Variants in CMYA5 observed in about 807,000 individuals in gnomAD.
CMYA5 encodes cardiomyopathy-associated protein 5.
Under a neutral mutation model 318.9 loss-of-function variants are expected in CMYA5, and 246 were observed. That is an observed-to-expected ratio of 0.77 (90% confidence interval 0.70 to 0.86). The LOEUF (loss-of-function observed/expected upper bound fraction) is 0.86, where lower values mean the gene tolerates loss of function less well. Ranked by LOEUF, CMYA5 falls within the 40% of genes least tolerant of loss-of-function variation. The pLI, the probability that CMYA5 is intolerant of heterozygous loss-of-function variation, is 0.00. For synonymous variants in CMYA5, 1,641 were observed against 1,729.5 expected (o/e 0.95, Z 1.27); for missense variants, 4,589 against 4,678.2 (o/e 0.98, Z 0.56).
intron 3 of CMYA5, among the ~76,000 whole-genome samples, chr5:79,744,805 G>A (rs892744466): frequency 6.6e-6 from 1 of 152,138 alleles, no homozygotes; most frequent in Non-Finnish European, 1.5e-5. Flanking sequence ...AGAACATTTG[G>A]GGAGGTAGCC....
In CMYA5 at chr5:79,745,154, CAA is replaced by C. The variant is rs35310955; in HGVS notation, c.10735-55_10735-54del. The C allele has an allele frequency of 7.7e-3, 6,602 of 862,052 alleles. 33 individuals are homozygous for C. The highest frequency in any genetic ancestry group is 0.047 in the African/African-American group (2,510 of 53,592). 53.4% of individuals were successfully genotyped at this position (862,052 alleles called of 1,614,324 possible). On this transcript the variant is annotated intron_variant, in intron 3 of 12. Transcript: ENST00000446378. ...CAATTCTTTAAAAGGCTGGTGTTTC[CAA>C]AAAAAAAAAAAAGCAGCATTTCTTG... is the stretch of plus-strand genomic sequence containing the variant.
rs369976163 is a variant in CMYA5 at position 79,715,137 on chromosome 5, A to G, written c.150-13778A>G. Among the ~76,000 whole-genome samples the G allele has an allele frequency of 1.1e-4, 16 of 152,152 alleles. 1 individual carries two copies. The highest frequency in any genetic ancestry group is 7.7e-4 in the East Asian group (4 of 5,190). On this transcript the variant is annotated intron_variant, in intron 1 of 12. Coordinates refer to ENST00000446378, the MANE Select transcript of CMYA5 (RefSeq NM_153610.5). Reference sequence around the variant, plus strand: ...AGGTTTTGTTTGCTGCTGTATGCTCATTGCCTAGAACAGTGTGGTCCATGG... The same window carrying G: ...AGGTTTTGTTTGCTGCTGTATGCTCGTTGCCTAGAACAGTGTGGTCCATGG...
intron 12 of CMYA5, among the ~76,000 whole-genome samples, chr5:79,796,011 C>G (rs1829268663): frequency 6.6e-6 from 1 of 152,182 alleles, no homozygotes; most frequent in African/African-American, 2.4e-5. Flanking sequence ...GAAATGGAGA[C>G]AGAAGCAGGG....
intron 1 of CMYA5, among the ~76,000 whole-genome samples, chr5:79,690,468 C>G (rs1826946630): frequency 6.6e-6 from 1 of 152,028 alleles, no homozygotes; most frequent in Admixed American, 6.5e-5. Flanking sequence ...GCGGTCTCCC[C>G]GGGGGCCTAG....
intron 2 of CMYA5, among the ~76,000 whole-genome samples, chr5:79,740,001 AAAAT>A (rs1266532268): frequency 1.3e-5 from 2 of 152,154 alleles, no homozygotes; most frequent in East Asian, 1.9e-4. Context: ...AATAAAATAA[AAAAT>A]AAATAAAAAT....
chr5:79,732,068 A>T lies in CMYA5; in HGVS notation c.3303A>T (p.Thr1101=). Residue 1101 remains threonine, a synonymous_variant, in exon 2 of 13, where the codon ACA becomes ACT. Transcript: ENST00000446378. ...AGCCAGAGATTCCAACAACCTCAAC[A>T]TCTGTATCTGAATATCTCATTTTGG... ...EIKPEIPTTS[T]SVSEYLILAQ... is the part of the protein sequence containing the mutation. The T allele has an allele frequency of 6.2e-7, 1 of 1,613,986 alleles. No individual in the cohort carries two copies. Among genetic ancestry groups the T allele is most frequent in the Non-Finnish European group, 8.5e-7 (1 of 1,179,874 alleles).
At chr5:79,726,909 ATTT>A (rs34198193) in intron 1 of CMYA5, among the ~76,000 whole-genome samples, 5 of 96,032 alleles carry the variant, frequency 5.2e-5, no homozygotes, top group African/African-American at 2.6e-4. Context: ...TAGGCCAGTG[ATTT>A]TTTTTTTTTT....
chr5:79,766,613 A>G (rs1167226540), intron 9 of CMYA5, among the ~76,000 whole-genome samples: 2 of 152,118 alleles, frequency 1.3e-5, no homozygotes, highest in Non-Finnish European at 2.9e-5. Context: ...ATGTTTATTG[A>G]TTTGCATATG....
intron 11 of CMYA5, among the ~76,000 whole-genome samples, chr5:79,791,321 G>C (rs1056828479): frequency 6.6e-6 from 1 of 152,154 alleles, no homozygotes; most frequent in Non-Finnish European, 1.5e-5. Context: ...TAAAACATTG[G>C]CTATTTTAAG....
intron 1 of CMYA5, among the ~76,000 whole-genome samples, chr5:79,712,925 C>G (rs1827426591): frequency 1.3e-5 from 2 of 152,176 alleles, no homozygotes; most frequent in African/African-American, 4.8e-5. Flanking sequence ...AACCACCACT[C>G]AACATTCATG....
intron 1 of CMYA5, among the ~76,000 whole-genome samples, chr5:79,722,791 T>C (rs968291233): frequency 1.3e-5 from 2 of 151,890 alleles, no homozygotes; most frequent in Non-Finnish European, 2.9e-5. Flanking sequence ...AAATTTTAGG[T>C]CTTGTGTACA....
intron 1 of CMYA5, among the ~76,000 whole-genome samples, chr5:79,724,372 A>G (rs1487784604): frequency 6.6e-6 from 1 of 152,196 alleles, no homozygotes; most frequent in Non-Finnish European, 1.5e-5. Context: ...ATTTTAAAAA[A>G]CTGCCTTAGC....
In CMYA5 at chr5:79,791,011, C is replaced by G; in HGVS notation, c.11731C>G (p.Leu3911Val). Residue 3911 changes from leucine (L) to valine (V), a missense_variant, in exon 11 of 13, where the codon CTA becomes GTA. Leu to Val is a conservative substitution (Grantham distance 32, BLOSUM62 1). Around this residue, in one of 3 missense-constraint regions of CMYA5, gnomAD observed 2,431 missense variants for 2,495.1 expected, o/e 0.97. Coordinates refer to ENST00000446378, the MANE Select transcript of CMYA5 (RefSeq NM_153610.5). ...LLLRETAHPALHISSSGTVIS... is the reference protein window; with the variant it reads ...LLLRETAHPAVHISSSGTVIS... ...GTTGAGAGAAACAGCTCATCCTGCT[C>G]TACACATTTCCTCAAGTGGGACAGT... The G allele has an allele frequency of 2.5e-6, 4 of 1,613,894 alleles. No homozygotes were observed. The highest frequency in any genetic ancestry group is 3.4e-6 in the Non-Finnish European group (4 of 1,179,842).
intron 1 of CMYA5, among the ~76,000 whole-genome samples, chr5:79,706,379 C>A (rs1262860084): frequency 1.3e-5 from 2 of 152,168 alleles, no homozygotes; most frequent in Non-Finnish European, 2.9e-5. Flanking sequence ...ACAGTCTTTC[C>A]ATAACCTGTG....
At chr5:79,755,103 A>G (rs1309547040) in intron 6 of CMYA5, among the ~76,000 whole-genome samples, 2 of 152,292 alleles carry the variant, frequency 1.3e-5, no homozygotes, top group African/African-American at 4.8e-5. Flanking sequence ...TCCAAAGGCC[A>G]GGTTGAGTGG....
intron 1 of CMYA5, among the ~76,000 whole-genome samples, chr5:79,693,336 ATTT>A (rs11319092): frequency 3.7e-5 from 5 of 135,662 alleles, no homozygotes; most frequent in Admixed American, 1.5e-4. Context: ...AAGTCACACA[ATTT>A]TTTTTTTTTT....
intron 1 of CMYA5, among the ~76,000 whole-genome samples, chr5:79,695,769 A>G (rs57409805): frequency 0.021 from 3,235 of 152,360 alleles, 119 homozygotes; most frequent in African/African-American, 0.073. Context: ...AAGGATATTA[A>G]TAGAGGAATA....
In CMYA5 at chr5:79,732,696, AC is replaced by A; in HGVS notation, c.3932del (p.Thr1311IlefsTer4). 6.2e-7 allele frequency: 1 copy of A among 1,613,460 alleles called. No individual in the cohort carries two copies. Among genetic ancestry groups the A allele is most frequent in the Non-Finnish European group, 8.5e-7 (1 of 1,179,714 alleles). On this transcript the variant is annotated frameshift_variant, in exon 2 of 13. Coordinates refer to ENST00000446378, the MANE Select transcript of CMYA5 (RefSeq NM_153610.5). LOFTEE classifies it high-confidence loss of function. The stretch of plus-strand genomic sequence containing the variant: ...GATGAAACATGATTCCAAAATAACA[AC>A]TACACCTATAGTGCTTCATTCAGCT... ...MEMKHDSKIT[T>X]TPIVLHSASS...
At chr5:79,759,703 G>A (rs1828608306) in intron 7 of CMYA5, among the ~76,000 whole-genome samples, 1 of 152,170 alleles carries the variant, frequency 6.6e-6, no homozygotes, top group African/African-American at 2.4e-5. Flanking sequence ...AAACAGATGA[G>A]CATGTGGCAG....
Sources: gnomAD v4.1 joint callset for allele counts (sites outside exome capture counted in the v4.1 genomes callset) on GRCh38, gnomAD v4.1.1 for gene constraint, gnomAD v4.1.1 regional missense constraint, MANE v1.5 for transcripts, NCBI Gene and HGNC (gene_info 2026-07-23, HGNC 2026-07-21) for gene names.